The following MRPL48 variants were observed in gnomAD, a reference collection of about 807,000 sequenced individuals.
MRPL48 encodes large ribosomal subunit protein mL48.
In MRPL48, 16 loss-of-function variants were observed where a neutral mutation model predicts 32.9. The observed-to-expected ratio is 0.49, with a 90% CI of 0.33 to 0.74. MRPL48 has a LOEUF of 0.74. Among genes scored for constraint, MRPL48 ranks in the 30% least tolerant of loss-of-function variants. The pLI is 0.02. For missense variants in MRPL48, 206 were observed against 245.3 expected (o/e 0.84, Z 1.07); for synonymous variants, 94 against 89.2 (o/e 1.05, Z -0.31).
At chr11:73,851,028 A>G (rs1948381673) in intron 5 of MRPL48, 1 of 482,930 alleles carries the variant, frequency 2.1e-6, no homozygotes, top group South Asian at 1.6e-5. Context: ...GCTGCCATCA[A>G]AGACCCATAA....
At chr11:73,802,109 C>T (rs1947371802) in intron 1 of MRPL48, 1 of 152,210 alleles carries the variant, frequency 6.6e-6, no homozygotes, top group East Asian at 1.9e-4. Context: ...AGCAGATCCT[C>T]AGCAACGTCT....
chr11:73,839,708 G>C (rs910787069), intron 4 of MRPL48, among the ~76,000 whole-genome samples: 1 of 152,136 alleles, frequency 6.6e-6, no homozygotes, highest in African/African-American at 2.4e-5. Flanking sequence ...ATGTCTCCAT[G>C]ATCTTAAGGT....
At chr11:73,862,208 AG>A (rs1241667888) in intron 6 of MRPL48, among the ~76,000 whole-genome samples, 1 of 152,204 alleles carries the variant, frequency 6.6e-6, no homozygotes, top group Non-Finnish European at 1.5e-5. Context: ...GGATCACCTG[AG>A]GTTGGGAGTT....
Position 73,805,293 on chromosome 11 carries a change from C to CT in MRPL48, c.74+229dup, listed in dbSNP as rs11335180. On this transcript the variant is annotated intron_variant, in intron 2 of 7. Coordinates refer to ENST00000310614, the MANE Select transcript of MRPL48 (RefSeq NM_016055.6). ...CTTGCAGTTAATCTTTGATGCTGTT[C>CT]TTTTTTTTTTTTTTTCTTTTTGAGA... Among the ~76,000 whole-genome samples the CT allele has an allele frequency of 5.1e-3, 699 of 136,904 alleles. 4 individuals carry two copies. Among genetic ancestry groups the CT allele is most frequent in the Non-Finnish European group, 7.7e-3 (492 of 63,992 alleles). The allele number at this position is 136,904 out of a possible 152,430, so 89.8% of individuals were successfully genotyped here. A position where few individuals can be genotyped will look rare whatever the true frequency, so the allele number is the denominator to read the frequency against.
chr11:73,812,764 T>C (rs1947592505), intron 3 of MRPL48, among the ~76,000 whole-genome samples: 1 of 149,930 alleles, frequency 6.7e-6, no homozygotes, highest in Non-Finnish European at 1.5e-5. Flanking sequence ...TTTTTATTGT[T>C]TTTGAGACTG....
intron 1 of MRPL48, among the ~76,000 whole-genome samples, chr11:73,798,428 C>G (rs1947298166): frequency 1.3e-5 from 2 of 152,074 alleles, no homozygotes; most frequent in African/African-American, 4.8e-5. Context: ...TTGAGAAAAC[C>G]TGGAGGCAAT....
chr11:73,816,286 C>A (rs1432201758), intron 3 of MRPL48, among the ~76,000 whole-genome samples: 3 of 148,870 alleles, frequency 2.0e-5, no homozygotes, highest in African/African-American at 7.4e-5. Flanking sequence ...TGGTCTCGAT[C>A]TCCTGACCTC....
At chr11:73,849,429 G>A (rs987980155) in intron 5 of MRPL48, among the ~76,000 whole-genome samples, 2 of 152,298 alleles carry the variant, frequency 1.3e-5, no homozygotes, top group South Asian at 4.1e-4. Flanking sequence ...GAGCCACTGC[G>A]CCCCGTGGCA....
rs369679471 is a variant in MRPL48 at position 73,844,885 on chromosome 11, C to A, written c.280C>A (p.His94Asn). The change falls in exon 5 of 8, where the codon CAT (histidine) becomes AAT (asparagine). Residue 94 changes from histidine (H) to asparagine (N), a missense_variant. Transcript: ENST00000310614. ...TDYEYGVLNI[H>N]LTAYDMTLAE... ...TTATGAATATGGGGTTTTAAATATT[C>A]ATCTGACTGCATATGATATGACCCT... is the stretch of plus-strand genomic sequence containing the variant. 10 of 1,613,764 alleles carry A rather than the reference C, an allele frequency of 6.2e-6. No individual in the cohort carries two copies. Among genetic ancestry groups the A allele is most frequent in the Non-Finnish European group, 8.5e-6 (10 of 1,179,806 alleles).
At chr11:73,802,700 T>G (rs918473878) in intron 1 of MRPL48, among the ~76,000 whole-genome samples, 2 of 152,072 alleles carry the variant, frequency 1.3e-5, no homozygotes, top group African/African-American at 2.4e-5. Flanking sequence ...CTTTTTTTTT[T>G]CTTTTTTTTT....
At chr11:73,850,106 C>T (rs572233919) in intron 5 of MRPL48, among the ~76,000 whole-genome samples, 4 of 152,108 alleles carry the variant, frequency 2.6e-5, no homozygotes. Flanking sequence ...GTCTTAAAAA[C>T]AGCAACAACA....
At chr11:73,831,423 A>G (rs1947991395) in intron 4 of MRPL48, among the ~76,000 whole-genome samples, 1 of 152,056 alleles carries the variant, frequency 6.6e-6, no homozygotes, top group South Asian at 2.1e-4. Flanking sequence ...GCCTTTGCAC[A>G]TGCTCTTTCC....
chr11:73,794,697 A>T (rs1947218812), intron 1 of MRPL48, among the ~76,000 whole-genome samples: 1 of 152,176 alleles, frequency 6.6e-6, no homozygotes, highest in South Asian at 2.1e-4. Flanking sequence ...GCTCTGGCTT[A>T]GAAGTATCAT....
At chr11:73,850,296 C>T (rs905284562) in intron 5 of MRPL48, among the ~76,000 whole-genome samples, 1 of 150,818 alleles carries the variant, frequency 6.6e-6, no homozygotes, top group Admixed American at 6.6e-5. Context: ...CCATAATTAT[C>T]AGAATTATTT....
intron 5 of MRPL48, among the ~76,000 whole-genome samples, chr11:73,853,969 C>A (rs1265329353): frequency 6.6e-6 from 1 of 152,010 alleles, no homozygotes; most frequent in Admixed American, 6.6e-5. Context: ...GGATTACAGG[C>A]GTGAGCCACC....
intron 3 of MRPL48, among the ~76,000 whole-genome samples, chr11:73,820,668 A>AT (rs201913748): frequency 0.01 from 1,566 of 150,972 alleles, 27 homozygotes; most frequent in African/African-American, 0.036. Context: ...CCCATCCTCC[A>AT]TTTTTTTCAT....
chr11:73,811,953 T>C (rs1947574387), intron 3 of MRPL48, among the ~76,000 whole-genome samples: 1 of 152,196 alleles, frequency 6.6e-6, no homozygotes, highest in Admixed American at 6.5e-5. Context: ...TGGCGAGATC[T>C]TGGCTCACTG....
chr11:73,848,663 A>G (rs1460939101), intron 5 of MRPL48, among the ~76,000 whole-genome samples: 1 of 151,908 alleles, frequency 6.6e-6, no homozygotes, highest in African/African-American at 2.4e-5. Flanking sequence ...TTGTTGGAAA[A>G]CTGTAGGAGA....
intron 1 of MRPL48, among the ~76,000 whole-genome samples, chr11:73,800,349 C>G (rs1947336946): frequency 6.6e-6 from 1 of 152,044 alleles, no homozygotes; most frequent in South Asian, 2.1e-4. Context: ...TATTAATACA[C>G]AAATATATTC....
Sources: allele counts gnomAD v4.1 joint callset (sites outside exome capture counted in the v4.1 genomes callset), GRCh38; gene constraint gnomAD v4.1.1; transcripts MANE v1.5; gene names NCBI Gene and HGNC (gene_info 2026-07-23, HGNC 2026-07-21).